AP3S2: variants seen among roughly 807,000 people sequenced by gnomAD.
The protein encoded by AP3S2 is AP-3 complex subunit sigma-2.
Under a neutral mutation model 23.4 loss-of-function variants are expected in AP3S2, and 22 were observed. The observed-to-expected ratio is 0.94, with a 90% CI of 0.67 to 1.34. AP3S2 has a LOEUF of 1.34. AP3S2 is among the 40% of genes most tolerant of loss of function. The pLI is 0.00. For missense variants in AP3S2, 241 were observed against 236.9 expected, an observed-to-expected ratio of 1.02 and a Z score of -0.11; for synonymous variants, 86 against 87.1, an observed-to-expected ratio of 0.99 and a Z score of 0.07.
intron 3 of AP3S2, chr15:89,878,305 A>G: frequency 1.5e-6 from 1 of 664,166 alleles, no homozygotes. Flanking sequence ...ATGTACCTAC[A>G]TAAAGCAAAA....
At chr15:89,868,329 C>T (rs1465313656) in intron 4 of AP3S2, among the ~76,000 whole-genome samples, 3 of 95,586 alleles carry the variant, frequency 3.1e-5, no homozygotes, top group Non-Finnish European at 4.4e-5. Context: ...CCGCCCCGTC[C>T]GGGAGGGAGG....
At chr15:89,855,410 G>A (rs1895803282) in intron 4 of AP3S2, among the ~76,000 whole-genome samples, 1 of 83,932 alleles carries the variant, frequency 1.2e-5, no homozygotes, top group East Asian at 4.1e-4. Flanking sequence ...AGGGTCCTCT[G>A]CCTAGGAAAA....
chr15:89,887,173 G>T (rs566703202), intron 3 of AP3S2, among the ~76,000 whole-genome samples: 1 of 152,014 alleles, frequency 6.6e-6, no homozygotes, highest in Non-Finnish European at 1.5e-5. Context: ...AATTATCTCC[G>T]AGATGCATCT....
chr15:89,845,396 G>C (rs1252684219), intron 4 of AP3S2: 1 of 152,218 alleles, frequency 6.6e-6, no homozygotes, highest in East Asian at 1.9e-4. Flanking sequence ...CTGCTAGTCA[G>C]TTCAGACCTT....
intron 4 of AP3S2, among the ~76,000 whole-genome samples, chr15:89,846,815 T>C (rs551992361): frequency 3.3e-4 from 50 of 152,114 alleles, no homozygotes; most frequent in Admixed American, 2.7e-3. Context: ...TATGAGCAAC[T>C]GCGCCCAGCA....
intron 1 of AP3S2, chr15:89,893,518 A>T (rs1263616860): frequency 2.5e-6 from 1 of 401,690 alleles, no homozygotes; most frequent in Non-Finnish European, 4.4e-6. Context: ...CTTCCTCATG[A>T]AACTGTGGTC....
chr15:89,872,263 C>A (rs1221024554), intron 3 of AP3S2, among the ~76,000 whole-genome samples: 1 of 152,062 alleles, frequency 6.6e-6, no homozygotes, highest in Non-Finnish European at 1.5e-5. Flanking sequence ...GTTTTAATTT[C>A]AGCCAAAATT....
chr15:89,852,893 T>C (rs918881270), intron 4 of AP3S2, among the ~76,000 whole-genome samples: 5 of 152,082 alleles, frequency 3.3e-5, no homozygotes, highest in African/African-American at 1.2e-4. Flanking sequence ...AATAGTTCAG[T>C]ATCACTGGAG....
chr15:89,869,567 T>TAAAAAAA (rs527600193), intron 4 of AP3S2, among the ~76,000 whole-genome samples: 8 of 123,364 alleles, frequency 6.5e-5, no homozygotes, highest in South Asian at 2.7e-4. Context: ...GAATTATCAA[T>TAAAAAAA]AAAAAAAAAA....
chr15:89,893,085 G>A (rs1394340339), intron 1 of AP3S2: 2 of 152,234 alleles, frequency 1.3e-5, no homozygotes, highest in African/African-American at 4.8e-5. Flanking sequence ...ATAAAAGTCT[G>A]AAAAGGGTTT....
At chr15:89,864,968 T>A (rs192243524) in intron 4 of AP3S2, among the ~76,000 whole-genome samples, 61 of 152,262 alleles carry the variant, frequency 4.0e-4, no homozygotes, top group Non-Finnish European at 7.6e-4. Context: ...CTCATCTTCA[T>A]AAGAAATGCA....
Position 89,833,625 on chromosome 15 carries a change from C to G in AP3S2, c.*1890G>C, listed in dbSNP as rs986811961. 8 of 152,206 alleles carry G rather than the reference C, an allele frequency of 5.3e-5. No individual in the cohort carries two copies. Among genetic ancestry groups the G allele is most frequent in the Non-Finnish European group, 7.3e-5 (5 of 68,044 alleles). The allele number at this position is 152,206 out of a possible 1,614,324, so 9.4% of individuals were successfully genotyped here. ...CAAATGTGAGAGAAATGTGAATGTACTGAAATGTCTGCCAGAAAAAAGAAA... is the reference window on the plus strand; with the variant it reads ...CAAATGTGAGAGAAATGTGAATGTAGTGAAATGTCTGCCAGAAAAAAGAAA... On this transcript the variant is annotated 3_prime_UTR_variant, in exon 6 of 6. Coordinates refer to ENST00000336418, the MANE Select transcript of AP3S2 (RefSeq NM_005829.5).
chr15:89,877,643 G>GT (rs1335760306), intron 3 of AP3S2, among the ~76,000 whole-genome samples: 1 of 152,082 alleles, frequency 6.6e-6, no homozygotes, highest in Non-Finnish European at 1.5e-5. Flanking sequence ...GAGGCCAGGA[G>GT]TTTAAGACCA....
At chr15:89,846,026 A>C (rs904027020) in intron 4 of AP3S2, among the ~76,000 whole-genome samples, 3 of 152,248 alleles carry the variant, frequency 2.0e-5, no homozygotes, top group African/African-American at 7.2e-5. Context: ...AAAGATTAGG[A>C]TAACCCCAAT....
At chr15:89,844,347 C>T (rs1596189631) in intron 4 of AP3S2, among the ~76,000 whole-genome samples, 2 of 132,098 alleles carry the variant, frequency 1.5e-5, no homozygotes, top group African/African-American at 2.9e-5. Flanking sequence ...TTCTTTCTTT[C>T]TTTTTTTAGA....
At position 89,859,364 on chromosome 15, in the gene AP3S2, TC is replaced by T. The variant is rs1465236557; in HGVS notation, c.345+12110del. ...TCCTTCCTTCCTTCTTTCCTTCCTT[TC>T]CTTCCTTCCTTCCTTCCTTCCTTTT... On this transcript the variant is annotated intron_variant, in intron 4 of 5. Transcript: ENST00000336418. Among the ~76,000 whole-genome samples the T allele has an allele frequency of 7.6e-4, 87 of 114,258 alleles. No individual in the cohort carries two copies. The South Asian group carries it at 0.015, about 20-fold the overall frequency. 75.0% of individuals were successfully genotyped at this position (114,258 alleles called of 152,430 possible). A position where few individuals can be genotyped will look rare whatever the true frequency, so the allele number is the denominator to read the frequency against.
chr15:89,868,908 C>A (rs1245293753), intron 4 of AP3S2, among the ~76,000 whole-genome samples: 4 of 144,112 alleles, frequency 2.8e-5, no homozygotes, highest in African/African-American at 5.3e-5. Flanking sequence ...AAGTGAGGAG[C>A]CCCTCTGCCC....
intron 4 of AP3S2, among the ~76,000 whole-genome samples, chr15:89,864,721 T>C (rs893598579): frequency 9.2e-5 from 14 of 152,210 alleles, no homozygotes; most frequent in Admixed American, 9.2e-4. Context: ...TTTGTATTTT[T>C]AGTAGAGACA....
At chr15:89,858,470 A>AG (rs1895898541) in intron 4 of AP3S2, among the ~76,000 whole-genome samples, 1 of 28,372 alleles carries the variant, frequency 3.5e-5, no homozygotes, top group East Asian at 9.0e-4. Context: ...AAAGAAAGAA[A>AG]GAAAGAAAGA....
Sources: allele counts gnomAD v4.1 joint callset (sites outside exome capture counted in the v4.1 genomes callset), GRCh38; gene constraint gnomAD v4.1.1; transcripts MANE v1.5; gene names NCBI Gene and HGNC (gene_info 2026-07-23, HGNC 2026-07-21).